Variants in TMOD3 observed in about 807,000 individuals in gnomAD.
TMOD3 encodes tropomodulin-3.
In TMOD3, 20 loss-of-function variants were observed where a neutral mutation model predicts 39.2. The ratio of observed to expected loss-of-function variants is 0.51; its 90% CI spans 0.36 to 0.74. The LOEUF is 0.74. Among genes scored for constraint, TMOD3 ranks in the 30% least tolerant of loss-of-function variants. The probability of loss-of-function intolerance (pLI) is 0.00; values close to 1 mark genes in which losing one functional copy is unlikely to be tolerated. For missense variants in TMOD3, 381 were observed against 412.8 expected (o/e 0.92, Z 0.67); for synonymous variants, 143 against 145.8 (o/e 0.98, Z 0.14).
intron 1 of TMOD3, among the ~76,000 whole-genome samples, chr15:51,839,568 C>T (rs539679425): frequency 2.7e-5 from 4 of 148,238 alleles, no homozygotes; most frequent in African/African-American, 7.5e-5. Context: ...TTTTTTTTTT[C>T]GAGACAGGCT....
chr15:51,904,570 G>A (rs1278791315), intron 9 of TMOD3, among the ~76,000 whole-genome samples: 2 of 152,172 alleles, frequency 1.3e-5, no homozygotes, highest in Non-Finnish European at 2.9e-5. Context: ...CCTCCCTCCA[G>A]GAGGCAGGTG....
intron 7 of TMOD3, 24 bp downstream of exon 7, chr15:51,896,550 C>G: frequency 6.4e-7 from 1 of 1,558,400 alleles, no homozygotes; most frequent in Non-Finnish European, 8.8e-7. Flanking sequence ...TTGAGAATAT[C>G]AAAATTATGA....
intron 2 of TMOD3, among the ~76,000 whole-genome samples, chr15:51,865,786 G>A (rs2056442291): frequency 6.6e-6 from 1 of 152,114 alleles, no homozygotes; most frequent in Admixed American, 6.5e-5. Flanking sequence ...CAAAGTCTCA[G>A]GAAGTAGGTC....
intron 1 of TMOD3, among the ~76,000 whole-genome samples, chr15:51,838,632 A>G (rs773161221): frequency 9.2e-5 from 14 of 152,098 alleles, no homozygotes; most frequent in Non-Finnish European, 1.9e-4. Context: ...AAAAAATAGT[A>G]TGCATTACTG....
chr15:51,860,981 G>A (rs2554327), intron 1 of TMOD3: 332,389 of 551,274 alleles, frequency 0.6, 101,844 homozygotes, highest in East Asian at 0.67. Flanking sequence ...GTTGAACATC[G>A]TCTTTCCTCT....
chr15:51,880,622 A>G (rs560857356), intron 3 of TMOD3, among the ~76,000 whole-genome samples: 67 of 152,280 alleles, frequency 4.4e-4, no homozygotes, highest in South Asian at 1.5e-3. Flanking sequence ...ACTTAGCATA[A>G]GGTTTTGGAG....
intron 5 of TMOD3, among the ~76,000 whole-genome samples, chr15:51,891,932 A>G (rs1383697126): frequency 2.6e-5 from 4 of 152,200 alleles, no homozygotes; most frequent in Non-Finnish European, 5.9e-5. Flanking sequence ...TCTCTTCTCA[A>G]CTTCTACAGG....
At chr15:51,858,966 G>A (rs2056402285) in intron 1 of TMOD3, among the ~76,000 whole-genome samples, 2 of 152,154 alleles carry the variant, frequency 1.3e-5, no homozygotes, top group Admixed American at 6.5e-5. Flanking sequence ...GAATCCAGGA[G>A]TTCAAGACCA....
At chr15:51,872,790 A>G (rs2056482307) in intron 3 of TMOD3, among the ~76,000 whole-genome samples, 1 of 152,130 alleles carries the variant, frequency 6.6e-6, no homozygotes, top group African/African-American at 2.4e-5. Context: ...TAATGGGTAC[A>G]CTGAAATCAC....
Position 51,915,494 on chromosome 15 carries a change from C to T in TMOD3, c.*6684C>T, listed in dbSNP as rs1247809168. On this transcript the variant is annotated 3_prime_UTR_variant, in exon 10 of 10. Transcript: ENST00000308580. ...ATTGTCACATGAAATCAGGTATTTA[C>T]GTTTTTTTCTAATGCTAAAATATCC... 6.6e-6 allele frequency: 1 copy of T among 151,972 alleles called. No individual in the cohort carries two copies. The highest frequency in any genetic ancestry group is 1.5e-5 in the Non-Finnish European group (1 of 67,986). The allele number at this position is 151,972 out of a possible 1,614,324, so 9.4% of individuals were successfully genotyped here. A position where few individuals can be genotyped will look rare whatever the true frequency, so the allele number is the denominator to read the frequency against.
chr15:51,864,457 A>T lies in TMOD3; in HGVS notation c.126+1447A>T, dbSNP rs553033288. 3.2e-4 allele frequency among the ~76,000 whole-genome samples: 49 copies of T among 152,118 alleles called. 2 individuals are homozygous for T. Among genetic ancestry groups the T allele is most frequent in the Admixed American group, 2.8e-3 (42 of 15,268 alleles). On this transcript the variant is annotated intron_variant, in intron 2 of 9. Transcript: ENST00000308580. ...CCTCCTGTTTTAAAATGTTCCTAGG[A>T]TGTTGTTTTAATCAGGTTTGGTAAT...
Position 51,845,778 on chromosome 15 carries a change from C to T in TMOD3, c.-75+15942C>T, listed in dbSNP as rs2056332719. 2.0e-5 allele frequency among the ~76,000 whole-genome samples: 3 copies of T among 151,932 alleles called. No individual in the cohort carries two copies. The South Asian group carries it at 6.2e-4, about 31-fold the overall frequency. ...TAAAACAAGGAAAGAATTTTGGTTT[C>T]CTCTGGGTTTTGTTTGTTTTTCCTC... is the stretch of plus-strand genomic sequence containing the variant. On this transcript the variant is annotated intron_variant, in intron 1 of 9. Coordinates refer to ENST00000308580, the MANE Select transcript of TMOD3 (RefSeq NM_014547.5).
At position 51,913,641 on chromosome 15, in the gene TMOD3, G is replaced by T. The variant is rs946581720; in HGVS notation, c.*4831G>T. The T allele has an allele frequency of 3.3e-5, 5 of 152,098 alleles. No homozygotes were observed. The highest frequency in any genetic ancestry group is 7.4e-5 in the Non-Finnish European group (5 of 68,016). 9.4% of individuals were successfully genotyped at this position (152,098 alleles called of 1,614,324 possible). ...TCTTGCAGTCTGATCATTCAGAAAG[G>T]TCAACCTAGAAAAAAGACATGGCTA... On this transcript the variant is annotated 3_prime_UTR_variant, in exon 10 of 10. Coordinates refer to ENST00000308580, the MANE Select transcript of TMOD3 (RefSeq NM_014547.5).
chr15:51,843,586 CA>C (rs1396971005), intron 1 of TMOD3, among the ~76,000 whole-genome samples: 1 of 152,156 alleles, frequency 6.6e-6, no homozygotes, highest in Non-Finnish European at 1.5e-5. Flanking sequence ...CTTAGTAAAG[CA>C]GTATTTTTTA....
chr15:51,851,759 GT>G (rs2056363116), intron 1 of TMOD3, among the ~76,000 whole-genome samples: 1 of 152,152 alleles, frequency 6.6e-6, no homozygotes, highest in Admixed American at 6.5e-5. Context: ...TGCAGCTCGT[GT>G]TTTTATCCCC....
chr15:51,844,758 CAT>C (rs1293616910), intron 1 of TMOD3, among the ~76,000 whole-genome samples: 5 of 152,134 alleles, frequency 3.3e-5, no homozygotes, highest in African/African-American at 1.2e-4. Flanking sequence ...TTCATGGAAA[CAT>C]GTCTAACTTT....
At chr15:51,870,645 G>C (rs552862303) in intron 3 of TMOD3, among the ~76,000 whole-genome samples, 1 of 152,270 alleles carries the variant, frequency 6.6e-6, no homozygotes, top group South Asian at 2.1e-4. Context: ...TAGGTAAGCC[G>C]TAAGCTCTGC....
intron 3 of TMOD3, among the ~76,000 whole-genome samples, chr15:51,872,600 G>GTATT (rs759263214): frequency 2.3e-5 from 3 of 129,882 alleles, no homozygotes; most frequent in Non-Finnish European, 4.8e-5. Context: ...GACCAAATTT[G>GTATT]TTTTTTTTTT....
intron 1 of TMOD3, among the ~76,000 whole-genome samples, chr15:51,850,271 A>G (rs752336873): frequency 1.3e-5 from 2 of 152,162 alleles, no homozygotes; most frequent in Non-Finnish European, 2.9e-5. Flanking sequence ...GTGCTCTTGT[A>G]TAAATGTATA....
Sources: gnomAD v4.1 joint callset for allele counts (sites outside exome capture counted in the v4.1 genomes callset) on GRCh38, gnomAD v4.1.1 for gene constraint, MANE v1.5 for transcripts, NCBI Gene and HGNC (gene_info 2026-07-23, HGNC 2026-07-21) for gene names.